ALDH4A1: variants seen among roughly 807,000 people sequenced by gnomAD.
ALDH4A1 encodes delta-1-pyrroline-5-carboxylate dehydrogenase, mitochondrial.
ALDH4A1 carries 46 observed loss-of-function variants against 70.5 expected under a neutral mutation model. That is an observed-to-expected ratio of 0.65 (90% CI 0.51 to 0.83). The LOEUF is 0.83. ALDH4A1 is among the 40% of genes least tolerant of loss of function. The pLI, the probability that ALDH4A1 is intolerant of heterozygous loss-of-function variation, is 0.00. For missense variants in ALDH4A1, 749 were observed against 766.5 expected, an observed-to-expected ratio of 0.98 and a Z score of 0.27; for synonymous variants, 323 against 324.3, an observed-to-expected ratio of 1.00 and a Z score of 0.04.
intron 1 of ALDH4A1, among the ~76,000 whole-genome samples, chr1:18,901,673 G>T (rs1474154122): frequency 6.6e-6 from 1 of 152,112 alleles, no homozygotes; most frequent in Non-Finnish European, 1.5e-5. Flanking sequence ...TCATTATTTG[G>T]AATAATGACC....
In ALDH4A1 at chr1:18,875,362, G is replaced by C. The variant is rs768075131; in HGVS notation, c.1460+20C>G. ...AGGACACCCGGAGCACAGCACCAGG[G>C]CTGCGGCCTGGCCACTCACTTATCC... On this transcript the variant is annotated intron_variant, in intron 13 of 14. Transcript: ENST00000375341. 6.2e-7 allele frequency: 1 copy of C among 1,613,934 alleles called. No individual in the cohort carries two copies. Among genetic ancestry groups the C allele is most frequent in the Admixed American group, 1.7e-5 (1 of 60,032 alleles).
intron 11 of ALDH4A1, 110 bp downstream of exon 11, chr1:18,877,098 C>T (rs1934727995): frequency 7.3e-7 from 1 of 1,364,816 alleles, no homozygotes; most frequent in Admixed American, 2.0e-5. Flanking sequence ...TTGATCAAAG[C>T]AGTGGGGCTG....
rs541060108 is a variant in ALDH4A1, at chr1:18,898,340, A to C, written c.62+4122T>G. ...CTGTCTCCAAAACAAACAAACAAAC[A>C]AACCAACAATAATAACAGAAGAGGT... is the stretch of plus-strand genomic sequence containing the variant. On this transcript the variant is annotated intron_variant, in intron 1 of 14. Coordinates refer to ENST00000375341, the MANE Select transcript of ALDH4A1 (RefSeq NM_003748.4). This position sits in a 1 kb window ranked among gnomAD's most constrained non-coding sequence, Gnocchi z 4.3. 3.9e-5 allele frequency among the ~76,000 whole-genome samples: 6 copies of C among 152,242 alleles called. No individual in the cohort carries two copies. The highest frequency in any genetic ancestry group is 1.9e-4 in the East Asian group (1 of 5,174).
At chr1:18,874,803 G>A (rs6666036) in intron 13 of ALDH4A1, among the ~76,000 whole-genome samples, 159 of 152,330 alleles carry the variant, frequency 1.0e-3, no homozygotes, top group Non-Finnish European at 1.9e-3. Flanking sequence ...GGCACGCCTC[G>A]TTACAGGGCT....
intron 3 of ALDH4A1, among the ~76,000 whole-genome samples, chr1:18,887,516 A>G (rs570694248): frequency 1.8e-3 from 268 of 152,190 alleles, no homozygotes; most frequent in Non-Finnish European, 3.0e-3. Context: ...GGAGAATGGC[A>G]TGAACCTGGG....
At chr1:18,901,930 G>GA (rs77510825) in intron 1 of ALDH4A1, among the ~76,000 whole-genome samples, 10,651 of 98,850 alleles carry the variant, frequency 0.11, 509 homozygotes, top group Middle Eastern at 0.15. Context: ...CATTTAACTT[G>GA]AAAAAAAAAA....
chr1:18,875,947 A>G (rs1934661870), intron 12 of ALDH4A1, among the ~76,000 whole-genome samples: 1 of 152,198 alleles, frequency 6.6e-6, no homozygotes, highest in African/African-American at 2.4e-5. Context: ...CCTTGACCTC[A>G]GTTTCTCATC....
chr1:18,872,871 C>A lies in ALDH4A1; in HGVS notation c.1666G>T (p.Asp556Tyr). 1 of 1,613,968 alleles carries A rather than the reference C, an allele frequency of 6.2e-7. No individual in the cohort carries two copies. Among genetic ancestry groups the A allele is most frequent in the South Asian group, 1.1e-5 (1 of 91,070 alleles). The change falls in exon 15 of 15, where the codon GAC (aspartate) becomes TAC (tyrosine). Residue 556 changes from aspartate (D) to tyrosine (Y), a missense_variant. By Grantham distance (160) the Asp-to-Tyr change is radical. Transcript: ENST00000375341. ...CACTGCATGTACGCGTAGCTCCAGT[C>A]CCCCAGGGGCTTATGTGTCTCCTTG... ...VIKETHKPLG[D>Y]WSYAYMQ
intron 1 of ALDH4A1, chr1:18,900,837 C>T (rs1935774703): frequency 1.0e-6 from 1 of 983,790 alleles, no homozygotes; most frequent in African/African-American, 1.7e-5. Flanking sequence ...GATGGCAGAT[C>T]GTTTCCCATG....
intron 4 of ALDH4A1, 140 bp from the exon 5 acceptor site, chr1:18,885,768 C>A: frequency 8.0e-7 from 1 of 1,243,018 alleles, no homozygotes; most frequent in Non-Finnish European, 1.1e-6. Flanking sequence ...CAGCCCCCTG[C>A]CACCATAGCT....
chr1:18,885,431 ACC>A, intron 5 of ALDH4A1, 40 bp downstream of exon 5: 2 of 478,978 alleles, frequency 4.2e-6, no homozygotes, highest in Admixed American at 3.6e-5. Flanking sequence ...CCTGACTCCC[ACC>A]CCACCCCGCC....
intron 4 of ALDH4A1, among the ~76,000 whole-genome samples, chr1:18,886,214 GT>G (rs1300881950): frequency 6.6e-6 from 1 of 152,200 alleles, no homozygotes; most frequent in African/African-American, 2.4e-5. Flanking sequence ...CAATGGGCAT[GT>G]CTGGGAATGT....
intron 2 of ALDH4A1, 25 bp downstream of exon 2, chr1:18,889,987 C>A: frequency 3.8e-6 from 6 of 1,564,700 alleles, no homozygotes; most frequent in Non-Finnish European, 5.2e-6. Context: ...CTGCACCTCT[C>A]GGGTGCCTCC....
chr1:18,875,238 C>G (rs1017822931), intron 13 of ALDH4A1, 144 bp downstream of exon 13: 1 of 1,393,108 alleles, frequency 7.2e-7, no homozygotes, highest in Non-Finnish European at 1.0e-6. Context: ...GTGGCGAGCC[C>G]TGGCTGCCTG....
intron 1 of ALDH4A1, among the ~76,000 whole-genome samples, chr1:18,899,942 T>C (rs1409989501): frequency 6.6e-6 from 1 of 151,992 alleles, no homozygotes; most frequent in Non-Finnish European, 1.5e-5. Context: ...GGCAGACAAG[T>C]GTATAAAGGG....
chr1:18,882,076 G>A (rs1238505288), intron 7 of ALDH4A1, among the ~76,000 whole-genome samples, 189 bp from the exon 8 acceptor site: 1 of 152,134 alleles, frequency 6.6e-6, no homozygotes, highest in Non-Finnish European at 1.5e-5. Flanking sequence ...CTGCCAAGGA[G>A]GCCACGGCAC....
chr1:18,896,563 A>C (rs1213569268), intron 1 of ALDH4A1, among the ~76,000 whole-genome samples: 2 of 152,230 alleles, frequency 1.3e-5, no homozygotes, highest in Non-Finnish European at 2.9e-5. Context: ...CTAGGTGAGC[A>C]GAGAAAGTGC....
intron 1 of ALDH4A1, among the ~76,000 whole-genome samples, chr1:18,891,502 A>G (rs1935429906): frequency 6.6e-6 from 1 of 152,150 alleles, no homozygotes; most frequent in African/African-American, 2.4e-5. Context: ...GCAATGAGGG[A>G]AAACACACAG....
In ALDH4A1 at chr1:18,875,426, G is replaced by A. The variant is rs749488791; in HGVS notation, c.1416C>T (p.Ser472=). 1.2e-6 allele frequency: 2 copies of A among 1,614,160 alleles called. No individual in the cohort carries two copies. The highest frequency in any genetic ancestry group is 4.5e-5 in the East Asian group (2 of 44,870). ...KYKETLQLVD[S]TTSYGLTGAV... Reference sequence around the variant, plus strand: ...CCCCCGTGAGGCCATAGCTGGTGGTGCTGTCAACCAGCTGCAGCGTCTCCT... The same window carrying A: ...CCCCCGTGAGGCCATAGCTGGTGGTACTGTCAACCAGCTGCAGCGTCTCCT... The change falls in exon 13 of 15, where the codon AGC becomes AGT. Residue 472 remains serine (S), a synonymous_variant. Transcript: ENST00000375341.
Sources: allele counts gnomAD v4.1 joint callset (sites outside exome capture counted in the v4.1 genomes callset), GRCh38; gene constraint gnomAD v4.1.1; non-coding constraint Gnocchi (gnomAD v3.1); transcripts MANE v1.5; gene names NCBI Gene and HGNC (gene_info 2026-07-23, HGNC 2026-07-21).